CNTN5: variants seen among roughly 807,000 people sequenced by gnomAD.
The protein encoded by CNTN5 is contactin 5.
In CNTN5, 77 loss-of-function variants were observed where a neutral mutation model predicts 129.1. The ratio of observed to expected loss-of-function variants is 0.60; its 90% confidence interval spans 0.50 to 0.72. The LOEUF is 0.72. CNTN5 is among the 30% of genes least tolerant of loss of function. The pLI, the probability that CNTN5 is intolerant of heterozygous loss-of-function variation, is 0.00. For missense variants in CNTN5, 1,478 were observed against 1,328.8 expected (o/e 1.11, Z -1.75); for synonymous variants, 509 against 465.6 (o/e 1.09, Z -1.20).
intron 3 of CNTN5, among the ~76,000 whole-genome samples, chr11:99,609,487 T>C (rs1045172223): frequency 4.6e-5 from 7 of 152,124 alleles, no homozygotes; most frequent in Non-Finnish European, 1.0e-4. Context: ...AATGTAATCA[T>C]TAATGTATTC....
At chr11:99,813,486 G>C (rs188741398) in intron 3 of CNTN5, among the ~76,000 whole-genome samples, 5 of 152,080 alleles carry the variant, frequency 3.3e-5, no homozygotes, top group African/African-American at 1.2e-4. Context: ...AGAGTAGAGA[G>C]GTTTTTGTTT....
chr11:99,900,557 T>A (rs1212805999), intron 6 of CNTN5, among the ~76,000 whole-genome samples: 1 of 151,514 alleles, frequency 6.6e-6, no homozygotes, highest in Admixed American at 6.6e-5. Context: ...ATTTTTTTTT[T>A]ATTTCTGACT....
chr11:99,455,423 T>G (rs1376642616), intron 2 of CNTN5, among the ~76,000 whole-genome samples: 1 of 151,642 alleles, frequency 6.6e-6, no homozygotes, highest in African/African-American at 2.4e-5. Flanking sequence ...GATTTCATTT[T>G]CCTGAAAAAT....
intron 3 of CNTN5, among the ~76,000 whole-genome samples, chr11:99,816,115 C>T (rs928230163): frequency 1.3e-5 from 2 of 152,162 alleles, no homozygotes; most frequent in African/African-American, 2.4e-5. Flanking sequence ...ATCTTCAAAA[C>T]TATTGAATGC....
Position 99,676,215 on chromosome 11 carries a change from C to G in CNTN5, c.55+119946C>G, listed in dbSNP as rs559674412. Among the ~76,000 whole-genome samples, 5 of 152,240 alleles carry G rather than the reference C, an allele frequency of 3.3e-5. No individual in the cohort carries two copies. In the East Asian group the frequency reaches 9.6e-4, roughly 29 times the overall value. On this transcript the variant is annotated intron_variant, in intron 3 of 24. Transcript: ENST00000524871. ...GTTCTTATTACTCTGTTTTACTCAGCCCTGCACCACTGGTGCTCAGAATAT... is the reference window on the plus strand; with the variant it reads ...GTTCTTATTACTCTGTTTTACTCAGGCCTGCACCACTGGTGCTCAGAATAT...
chr11:99,849,171 C>T (rs1329942382), intron 6 of CNTN5, among the ~76,000 whole-genome samples: 1 of 151,254 alleles, frequency 6.6e-6, no homozygotes, highest in Non-Finnish European at 1.5e-5. Context: ...TCAAATTATC[C>T]ATATACTAAC....
chr11:100,126,884 A>G (rs1359466078), intron 13 of CNTN5, among the ~76,000 whole-genome samples: 1 of 151,828 alleles, frequency 6.6e-6, no homozygotes, highest in Non-Finnish European at 1.5e-5. Context: ...CCTGTGGGCT[A>G]TGTATTGAAG....
At chr11:99,101,121 C>A (rs1866713322) in intron 1 of CNTN5, among the ~76,000 whole-genome samples, 1 of 152,082 alleles carries the variant, frequency 6.6e-6, no homozygotes, top group African/African-American at 2.4e-5. Flanking sequence ...AGAAGGAGAA[C>A]CAAGTGAAAG....
chr11:99,784,454 C>T (rs1945437061), intron 3 of CNTN5, among the ~76,000 whole-genome samples: 1 of 151,762 alleles, frequency 6.6e-6, no homozygotes, highest in African/African-American at 2.4e-5. Context: ...CATCTTCATC[C>T]ATGTCCCTGC....
intron 3 of CNTN5, among the ~76,000 whole-genome samples, chr11:99,778,873 A>G (rs1945216605): frequency 6.6e-6 from 1 of 151,568 alleles, no homozygotes; most frequent in Non-Finnish European, 1.5e-5. Flanking sequence ...TAAATTTATA[A>G]AAGAATATGG....
intron 1 of CNTN5, among the ~76,000 whole-genome samples, chr11:99,165,724 G>A (rs1346701169): frequency 1.3e-5 from 2 of 152,060 alleles, no homozygotes; most frequent in African/African-American, 4.8e-5. Flanking sequence ...TGCTTTCCAT[G>A]GTTAATGTTG....
In CNTN5 at chr11:99,152,304, A is replaced by G. The variant is rs950697436; in HGVS notation, c.-210+131034A>G. Among the ~76,000 whole-genome samples the G allele has an allele frequency of 2.6e-5, 4 of 152,242 alleles. No individual in the cohort carries two copies. In the East Asian group the frequency reaches 5.8e-4, roughly 22 times the overall value. On this transcript the variant is annotated intron_variant, in intron 1 of 24. Coordinates refer to ENST00000524871, the MANE Select transcript of CNTN5 (RefSeq NM_014361.4). ...AAAAAATATTCATGAGACATTTTCAATAAGATTCATTTATAGCTTCATTTA... is the reference window on the plus strand; with the variant it reads ...AAAAAATATTCATGAGACATTTTCAGTAAGATTCATTTATAGCTTCATTTA...
chr11:99,320,911 G>A (rs1242071305), intron 1 of CNTN5, among the ~76,000 whole-genome samples: 1 of 152,128 alleles, frequency 6.6e-6, no homozygotes, highest in Non-Finnish European at 1.5e-5. Flanking sequence ...GCTCTCCCTA[G>A]TGAGAGTGGG....
At chr11:99,367,921 G>T (rs1939558032) in intron 2 of CNTN5, among the ~76,000 whole-genome samples, 1 of 152,040 alleles carries the variant, frequency 6.6e-6, no homozygotes, top group African/African-American at 2.4e-5. Context: ...AATGGACTTG[G>T]CTTTTTGTTA....
chr11:100,161,133 TTTAA>T (rs1260397379), intron 13 of CNTN5, among the ~76,000 whole-genome samples: 5 of 151,950 alleles, frequency 3.3e-5, no homozygotes, highest in African/African-American at 1.2e-4. Flanking sequence ...ATTCATTTTT[TTTAA>T]TTGTCAAGTA....
At chr11:99,031,165 A>G (rs1193552501) in intron 1 of CNTN5, among the ~76,000 whole-genome samples, 1 of 152,130 alleles carries the variant, frequency 6.6e-6, no homozygotes, top group Non-Finnish European at 1.5e-5. Context: ...TGTATTTTAC[A>G]GCAAAAATAC....
chr11:99,107,549 G>T (rs1867056063), intron 1 of CNTN5, among the ~76,000 whole-genome samples: 1 of 151,714 alleles, frequency 6.6e-6, no homozygotes, highest in Admixed American at 6.6e-5. Context: ...GTCATCATAG[G>T]ATATATTATA....
At chr11:99,123,656 T>G (rs1055757293) in intron 1 of CNTN5, among the ~76,000 whole-genome samples, 4 of 55,920 alleles carry the variant, frequency 7.2e-5, no homozygotes, top group African/African-American at 2.2e-4. Context: ...CTTCCAGGGT[T>G]TTTTTTTTTT....
At chr11:100,264,014 C>T (rs1256009484) in intron 17 of CNTN5, among the ~76,000 whole-genome samples, 2 of 152,106 alleles carry the variant, frequency 1.3e-5, no homozygotes, top group Non-Finnish European at 2.9e-5. Flanking sequence ...TTCTGATTCT[C>T]ACCTATGGTT....
Sources: allele counts gnomAD v4.1 joint callset (sites outside exome capture counted in the v4.1 genomes callset), GRCh38; gene constraint gnomAD v4.1.1; transcripts MANE v1.5; gene names NCBI Gene and HGNC (gene_info 2026-07-23, HGNC 2026-07-21).